Variants in TOMM20L observed in about 807,000 individuals in gnomAD.
TOMM20L encodes TOMM20-like protein 1.
In TOMM20L, 19 loss-of-function variants were observed where a neutral mutation model predicts 20.4. That is an observed-to-expected ratio of 0.93 (90% CI 0.65 to 1.36). The LOEUF (loss-of-function observed/expected upper bound fraction) is 1.36, where lower values mean the gene tolerates loss of function less well. Ranked by LOEUF, TOMM20L falls within the 40% of genes most tolerant of loss-of-function variation. The probability of loss-of-function intolerance (pLI) is 0.00; values close to 1 mark genes in which losing one functional copy is unlikely to be tolerated. For synonymous variants in TOMM20L, 75 were observed against 79.6 expected (o/e 0.94, Z 0.30); for missense variants, 218 against 203.7 (o/e 1.07, Z -0.43).
At chr14:58,409,077 T>G, downstream of TOMM20L, 4 of 1,614,006 alleles carry the variant, frequency 2.5e-6, no homozygotes, top group Non-Finnish European at 3.4e-6. Context: ...TGCCAGGGCT[T>G]CATTCTGCTG....
rs1594992975 is a variant in TOMM20L, at chr14:58,395,949, C to G, written c.-9C>G. On this transcript the variant is annotated 5_prime_UTR_variant, in exon 1 of 5. Transcript: ENST00000360945. ...CCCAACGCTCGGCTTGTGGGACGCC[C>G]GCGGTCGGATGCCCTCCGTCCGCTC... 7.2e-7 allele frequency: 1 copy of G among 1,388,870 alleles called. No homozygotes were observed. Among genetic ancestry groups the G allele is most frequent in the Non-Finnish European group, 9.4e-7 (1 of 1,065,608 alleles). The allele number at this position is 1,388,870 out of a possible 1,614,324, so 86.0% of individuals were successfully genotyped here. A position where few individuals can be genotyped will look rare whatever the true frequency, so the allele number is the denominator to read the frequency against.
At chr14:58,406,850 G>A (rs2036066309) in intron 3 of TOMM20L, among the ~76,000 whole-genome samples, 1 of 152,018 alleles carries the variant, frequency 6.6e-6, no homozygotes, top group Non-Finnish European at 1.5e-5. Flanking sequence ...TTTCCCTGGG[G>A]TATGTAATTC....
intron 2 of TOMM20L, 86 bp downstream of exon 2, chr14:58,396,427 C>CAG: frequency 2.0e-6 from 3 of 1,487,728 alleles, no homozygotes; most frequent in Non-Finnish European, 2.8e-6. Context: ...GGCTCGGCAG[C>CAG]AGGTAGTTAG....
Position 58,408,555 on chromosome 14 carries a change from G to A in TOMM20L, c.432G>A (p.Gln144=), listed in dbSNP as rs1186051901. Reference sequence around the variant, plus strand: ...AATTTGAGGCAGACATGAATGAACAGGACTGCTTGGAGGATGATCCTGATT... The same window carrying A: ...AATTTGAGGCAGACATGAATGAACAAGACTGCTTGGAGGATGATCCTGATT... ...CQQFEADMNE[Q]DCLEDDPD is the part of the protein sequence containing the mutation. The change falls in exon 5 of 5, where the codon CAG becomes CAA. Residue 144 remains glutamine, a synonymous_variant. Transcript: ENST00000360945. 6.2e-7 allele frequency: 1 copy of A among 1,613,946 alleles called. No individual in the cohort carries two copies. The highest frequency in any genetic ancestry group is 8.5e-7 in the Non-Finnish European group (1 of 1,179,966).
downstream of TOMM20L, chr14:58,409,250 G>A (rs1433623163): frequency 2.6e-6 from 4 of 1,509,956 alleles, no homozygotes; most frequent in Non-Finnish European, 3.6e-6. Flanking sequence ...AGAATCAGTG[G>A]GGTAGTTTGC....
downstream of TOMM20L, among the ~76,000 whole-genome samples, chr14:58,413,007 TATTTTAA>T (rs1206866291): frequency 1.3e-5 from 2 of 152,144 alleles, no homozygotes; most frequent in African/African-American, 4.8e-5. Context: ...CCAAATTGCT[TATTTTAA>T]ATTTTTTACT....
intron 3 of TOMM20L, among the ~76,000 whole-genome samples, chr14:58,403,566 C>CG (rs1261899723): frequency 2.5e-4 from 38 of 152,114 alleles, no homozygotes; most frequent in South Asian, 6.2e-4. Flanking sequence ...CGGCAGGGCA[C>CG]GGTGGCTAAC....
Position 58,396,029 on chromosome 14 carries a change from CTATTG to C in TOMM20L, c.77_81del (p.Cys26LeufsTer28). On this transcript the variant is annotated frameshift_variant, in exon 1 of 5. Transcript: ENST00000360945. LOFTEE classifies it high-confidence loss of function. ...CCTGTGGCGCCTTCGCCTTCCTGGG[CTATTG>C]TATTTACCTCAACCGGAAGCGGCGC... 1 of 1,450,690 alleles carries C rather than the reference CTATTG, an allele frequency of 6.9e-7. No individual in the cohort carries two copies. The highest frequency in any genetic ancestry group is 2.3e-5 in the Admixed American group (1 of 42,984). The allele number at this position is 1,450,690 out of a possible 1,614,324, so 89.9% of individuals were successfully genotyped here.
intron 2 of TOMM20L, among the ~76,000 whole-genome samples, chr14:58,397,064 A>T (rs1009494995): frequency 6.6e-6 from 1 of 152,212 alleles, no homozygotes; most frequent in Non-Finnish European, 1.5e-5. Flanking sequence ...GACACTGTCT[A>T]TAAAAAAAGA....
chr14:58,409,253 T>C (rs993333072), downstream of TOMM20L: 10 of 1,494,274 alleles, frequency 6.7e-6, no homozygotes, highest in Non-Finnish European at 8.1e-6. Flanking sequence ...ATCAGTGGGG[T>C]AGTTTGCTTT....
In TOMM20L at chr14:58,407,449, A is replaced by G. The variant is rs1285452635; in HGVS notation, c.386A>G (p.Lys129Arg). Residue 129 changes from lysine to arginine, a missense_variant, in exon 4 of 5, where the codon AAA becomes AGA. Transcript: ENST00000360945. Reference protein sequence around the residue: ...PPKVFEMLLHKIPLICQQFEA... With the variant: ...PPKVFEMLLHRIPLICQQFEA... ...AAGGTATTTGAGATGCTGTTGCACAAAATTCCCCTTATTTGCCAGGTGAGC... is the reference window on the plus strand; with the variant it reads ...AAGGTATTTGAGATGCTGTTGCACAGAATTCCCCTTATTTGCCAGGTGAGC... 4.3e-6 allele frequency: 7 copies of G among 1,612,056 alleles called. No individual in the cohort carries two copies. The East Asian group carries it at 1.1e-4, about 26-fold the overall frequency.
chr14:58,411,008 T>C, downstream of TOMM20L: 1 of 1,056,890 alleles, frequency 9.5e-7, no homozygotes, highest in Non-Finnish European at 1.4e-6. Context: ...CTTAAATTAC[T>C]GGTATTTTAT....
At chr14:58,408,839 A>C, downstream of TOMM20L, 1 of 799,452 alleles carries the variant, frequency 1.3e-6, no homozygotes, top group Non-Finnish European at 1.9e-6. Flanking sequence ...TCACTGAACA[A>C]TAAGACCTTC....
intron 3 of TOMM20L, among the ~76,000 whole-genome samples, chr14:58,403,477 T>C (rs999440449): frequency 1.1e-4 from 16 of 152,250 alleles, no homozygotes; most frequent in Non-Finnish European, 1.5e-5. Context: ...TCCATTCTTT[T>C]ACTGTGTTTA....
At chr14:58,414,735 T>TTA in the TOMM20L span, among the ~76,000 whole-genome samples, 2 of 7,190 alleles carry the variant, frequency 2.8e-4, no homozygotes, top group Non-Finnish European at 4.8e-4. Flanking sequence ...AGACGCCATC[T>TTA]CAAAAAAAAA....
chr14:58,396,858 G>GC (rs200548871), intron 2 of TOMM20L, among the ~76,000 whole-genome samples: 2,584 of 152,322 alleles, frequency 0.017, 33 homozygotes, highest in Non-Finnish European at 0.025. Flanking sequence ...ACTTTGGGAG[G>GC]CAAGGCGGGC....
chr14:58,401,923 C>T (rs932671932), intron 2 of TOMM20L, among the ~76,000 whole-genome samples: 3 of 152,036 alleles, frequency 2.0e-5, no homozygotes, highest in East Asian at 1.9e-4. Flanking sequence ...TTTGTTTCCC[C>T]GATTAGAGAG....
At position 58,408,549 on chromosome 14, in the gene TOMM20L, T is replaced by C. The variant is rs549526864; in HGVS notation, c.426T>C (p.Asn142=). ...LICQQFEADM[N]EQDCLEDDPD ...ACCAGCAATTTGAGGCAGACATGAA[T>C]GAACAGGACTGCTTGGAGGATGATC... The change falls in exon 5 of 5, where the codon AAT becomes AAC. Residue 142 remains asparagine (N), a synonymous_variant. Coordinates refer to ENST00000360945, the MANE Select transcript of TOMM20L (RefSeq NM_207377.3). The C allele has an allele frequency of 2.5e-6, 4 of 1,613,876 alleles. No individual in the cohort carries two copies. The highest frequency in any genetic ancestry group is 1.3e-5 in the African/African-American group (1 of 75,040).
At chr14:58,404,099 G>GTGTGTATA (rs1408980666) in intron 3 of TOMM20L, among the ~76,000 whole-genome samples, 3,357 of 22,952 alleles carry the variant, frequency 0.15, 1,141 homozygotes, top group South Asian at 0.34. Flanking sequence ...ACATATATAT[G>GTGTGTATA]TATATATATA....
Sources: allele counts gnomAD v4.1 joint callset (sites outside exome capture counted in the v4.1 genomes callset), GRCh38; gene constraint gnomAD v4.1.1; transcripts MANE v1.5; gene names NCBI Gene and HGNC (gene_info 2026-07-23, HGNC 2026-07-21).